CA5A: variants seen among roughly 807,000 people sequenced by gnomAD.
CA5A encodes carbonic anhydrase 5A.
Under a neutral mutation model 37.1 loss-of-function variants are expected in CA5A, and 28 were observed. The observed-to-expected ratio is 0.75, with a 90% confidence interval of 0.56 to 1.03. The LOEUF is 1.03. CA5A is among the 50% of genes least tolerant of loss of function. CA5A has a pLI of 0.00. For missense variants in CA5A, 444 were observed against 399.9 expected (o/e 1.11, Z -0.94); for synonymous variants, 171 against 158.4 (o/e 1.08, Z -0.60).
At chr16:87,917,394 G>A (rs748663948) in intron 2 of CA5A, among the ~76,000 whole-genome samples, 1 of 152,214 alleles carries the variant, frequency 6.6e-6, no homozygotes, top group Non-Finnish European at 1.5e-5. Flanking sequence ...CCCAGTGGCT[G>A]AATCTCTAAC....
chr16:87,905,087 G>GCC (rs796364163), intron 2 of CA5A, among the ~76,000 whole-genome samples, 183 bp from the exon 3 acceptor site: 5 of 151,244 alleles, frequency 3.3e-5, no homozygotes, highest in African/African-American at 1.2e-4. Flanking sequence ...CATTCACTCT[G>GCC]CCCCCCCCCA....
chr16:87,881,611 T>C (rs575879356), exon 5 of CA5A: 15 of 152,314 alleles, frequency 9.8e-5, no homozygotes, highest in African/African-American at 3.6e-4. Flanking sequence ...GAGGAAGCCT[T>C]GAACCTTAAA....
Position 87,913,653 on chromosome 16 carries a change from GC to G in CA5A, c.341-8750del, listed in dbSNP as rs201970341. ...TTCCCATCTGAGTGTCTGTGCCGTG[GC>G]CCCCCCCTCCTCTCCAATACGAAGA... On this transcript the variant is annotated intron_variant, in intron 2 of 6. Coordinates refer to ENST00000649794, the MANE Select transcript of CA5A (RefSeq NM_001739.2). Among the ~76,000 whole-genome samples the G allele has an allele frequency of 1.6e-3, 230 of 139,968 alleles. 1 individual carries two copies. Among genetic ancestry groups the G allele is most frequent in the African/African-American group, 6.3e-3 (213 of 33,876 alleles). 91.8% of individuals were successfully genotyped at this position (139,968 alleles called of 152,430 possible).
intron 3 of CA5A, among the ~76,000 whole-genome samples, 182 bp from the exon 4 acceptor site, chr16:87,902,702 C>T (rs190832261): frequency 4.0e-5 from 6 of 151,372 alleles, no homozygotes; most frequent in East Asian, 2.0e-4. Flanking sequence ...GTCAGGAGAT[C>T]GAGACCATGC....
At chr16:87,892,913 C>T in intron 5 of CA5A, 1 of 560,592 alleles carries the variant, frequency 1.8e-6, no homozygotes. Context: ...GCCTTGGCCT[C>T]CCAAAGTGCT....
At chr16:87,924,334 C>T (rs1454753832) in intron 2 of CA5A, 1 of 983,936 alleles carries the variant, frequency 1.0e-6, no homozygotes, top group Non-Finnish European at 1.2e-6. Context: ...GGCTCCTTCT[C>T]ACCTTCGAAA....
At chr16:87,930,908 T>G (rs2056393725) in intron 1 of CA5A, among the ~76,000 whole-genome samples, 1 of 151,384 alleles carries the variant, frequency 6.6e-6, no homozygotes, top group Non-Finnish European at 1.5e-5. Flanking sequence ...GCCTGGGGAA[T>G]TTTTGTATTT....
At chr16:87,928,150 C>T (rs1014899829) in intron 1 of CA5A, among the ~76,000 whole-genome samples, 3 of 152,058 alleles carry the variant, frequency 2.0e-5, no homozygotes, top group African/African-American at 7.2e-5. Flanking sequence ...TGAGCTAAAC[C>T]AGTTCTTAAA....
chr16:87,897,672 G>T (rs1481175759), intron 5 of CA5A, among the ~76,000 whole-genome samples: 1 of 152,216 alleles, frequency 6.6e-6, no homozygotes, highest in Non-Finnish European at 1.5e-5. Flanking sequence ...GGAGGTGGGC[G>T]CCAGGATGAC....
chr16:87,905,644 C>A (rs1725826930), intron 2 of CA5A, among the ~76,000 whole-genome samples: 1 of 152,248 alleles, frequency 6.6e-6, no homozygotes, highest in Admixed American at 6.5e-5. Flanking sequence ...CAGGTGTGAG[C>A]CACCGCTCCT....
At chr16:87,924,345 G>T in intron 2 of CA5A, 1 of 982,118 alleles carries the variant, frequency 1.0e-6, no homozygotes, top group African/African-American at 1.7e-5. Flanking sequence ...ACCTTCGAAA[G>T]GAGAGAGAGA....
At chr16:87,891,172 G>A (rs750314204) in intron 6 of CA5A, among the ~76,000 whole-genome samples, 1 of 151,000 alleles carries the variant, frequency 6.6e-6, no homozygotes, top group South Asian at 2.1e-4. Flanking sequence ...AAACTATTTA[G>A]ATAAGAAAAA....
At chr16:87,899,951 A>G (rs1291304092) in intron 5 of CA5A, among the ~76,000 whole-genome samples, 34 of 136,478 alleles carry the variant, frequency 2.5e-4, no homozygotes, top group Non-Finnish European at 4.3e-4. Context: ...AAAAAAAAAA[A>G]AGAGTCTAAC....
At chr16:87,894,193 A>G (rs2055768123) in intron 5 of CA5A, among the ~76,000 whole-genome samples, 1 of 151,628 alleles carries the variant, frequency 6.6e-6, no homozygotes, top group African/African-American at 2.4e-5. Flanking sequence ...CCGTGGCATG[A>G]TCTCAGCTCA....
At position 87,902,393 on chromosome 16, in the gene CA5A, T is replaced by C. The variant is rs551157197; in HGVS notation, c.555+32A>G. On this transcript the variant is annotated intron_variant, in intron 4 of 6. Transcript: ENST00000649794. Reference sequence around the variant, plus strand: ...ATCCTAATGATGGATCACCACTTTCTTCATTAGATCTACACCCGAGCAAGT... The same window carrying C: ...ATCCTAATGATGGATCACCACTTTCCTCATTAGATCTACACCCGAGCAAGT... 2.6e-5 allele frequency: 33 copies of C among 1,252,502 alleles called. No individual in the cohort carries two copies. The South Asian group carries it at 3.4e-4, about 13-fold the overall frequency. The allele number at this position is 1,252,502 out of a possible 1,614,324, so 77.6% of individuals were successfully genotyped here. A position where few individuals can be genotyped will look rare whatever the true frequency, so the allele number is the denominator to read the frequency against.
intron 2 of CA5A, among the ~76,000 whole-genome samples, chr16:87,916,830 T>C (rs1443430464): frequency 6.6e-6 from 1 of 151,642 alleles, no homozygotes; most frequent in Non-Finnish European, 1.5e-5. Context: ...GGGCTGGGCA[T>C]GGTGGCTCAC....
chr16:87,926,819 G>C lies in CA5A; in HGVS notation c.269C>G (p.Ala90Gly), dbSNP rs906746731. The change falls in exon 2 of 7, where the codon GCA becomes GGA. Residue 90 changes from alanine (A) to glycine (G), a missense_variant. Physicochemically the swap from Ala to Gly is moderately conservative, Grantham distance 60. Transcript: ENST00000649794. ...AGTGTTCCAGATGTACAGGCAGGAT[G>C]CCGCTTCATAGGAGACCCTGAGTGG... ...LKPLRVSYEAASCLYIWNTGY... is the reference protein window; with the variant it reads ...LKPLRVSYEAGSCLYIWNTGY... The C allele has an allele frequency of 2.5e-6, 4 of 1,614,064 alleles. No individual in the cohort carries two copies. The African/African-American group carries it at 5.3e-5, about 22-fold the overall frequency.
chr16:87,887,410 C>T (rs2055657237), downstream of CA5A: 1 of 151,320 alleles, frequency 6.6e-6, no homozygotes, highest in South Asian at 2.1e-4. Flanking sequence ...TGCCTGGCCT[C>T]ACAAGAATTC....
rs868420857 is a variant in CA5A at position 87,911,355 on chromosome 16, G to C, written c.341-6451C>G. On this transcript the variant is annotated intron_variant, in intron 2 of 6. Transcript: ENST00000649794. This position sits in a 1 kb window ranked among gnomAD's most constrained non-coding sequence, Gnocchi z 4.6. Reference sequence around the variant, plus strand: ...TTTGGGGCCGGCTCCAGGCTGTGACGTGCTGGCCCCAGAGAATATTGTCTC... The same window carrying C: ...TTTGGGGCCGGCTCCAGGCTGTGACCTGCTGGCCCCAGAGAATATTGTCTC... Among the ~76,000 whole-genome samples, 2 of 152,146 alleles carry C rather than the reference G, an allele frequency of 1.3e-5. No homozygotes were observed. The highest frequency in any genetic ancestry group is 1.3e-4 in the Admixed American group (2 of 15,266).
Sources: gnomAD v4.1 joint callset for allele counts (sites outside exome capture counted in the v4.1 genomes callset) on GRCh38, gnomAD v4.1.1 for gene constraint, Gnocchi (gnomAD v3.1) non-coding constraint, MANE v1.5 for transcripts, NCBI Gene and HGNC (gene_info 2026-07-23, HGNC 2026-07-21) for gene names.